Variants in NELL1 observed in about 807,000 individuals in gnomAD.
NELL1 encodes neural EGFL like 1.
Under a neutral mutation model 107.4 loss-of-function variants are expected in NELL1, and 76 were observed. The observed-to-expected ratio is 0.71, with a 90% CI of 0.59 to 0.86. The LOEUF is 0.86. NELL1 is among the 40% of genes least tolerant of loss of function. The pLI is 0.00. For missense variants in NELL1, 1,024 were observed against 1,005.5 expected (o/e 1.02, Z -0.25); for synonymous variants, 353 against 341.2 (o/e 1.03, Z -0.38).
At chr11:20,953,921 A>G (rs1851116886) in intron 11 of NELL1, among the ~76,000 whole-genome samples, 1 of 152,136 alleles carries the variant, frequency 6.6e-6, no homozygotes, top group African/African-American at 2.4e-5. Context: ...GGACATGTTT[A>G]TGGTATTTTT....
chr11:21,494,186 TTTTG>T (rs1489270624), intron 15 of NELL1, among the ~76,000 whole-genome samples: 4 of 151,978 alleles, frequency 2.6e-5, no homozygotes, highest in African/African-American at 9.7e-5. Flanking sequence ...TACAAAAAAT[TTTTG>T]TTTGGAAGAA....
At chr11:20,710,887 C>G (rs1429609702) in intron 2 of NELL1, among the ~76,000 whole-genome samples, 2 of 151,942 alleles carry the variant, frequency 1.3e-5, no homozygotes, top group Non-Finnish European at 2.9e-5. Context: ...TGTTTCATTT[C>G]TAATTGAGCT....
chr11:20,691,462 A>C (rs1158435185), intron 2 of NELL1, among the ~76,000 whole-genome samples: 1 of 152,070 alleles, frequency 6.6e-6, no homozygotes, highest in Non-Finnish European at 1.5e-5. Context: ...CGTCCCATCA[A>C]TACCTAATTT....
At chr11:20,895,274 A>C (rs1849705982) in intron 5 of NELL1, among the ~76,000 whole-genome samples, 1 of 59,950 alleles carries the variant, frequency 1.7e-5, no homozygotes. Context: ...TCCGTCTCAA[A>C]AAAAAAAAAA....
intron 13 of NELL1, among the ~76,000 whole-genome samples, chr11:21,209,057 T>G (rs1437367253): frequency 6.6e-6 from 1 of 152,142 alleles, no homozygotes. Flanking sequence ...AGAACTGTAG[T>G]GGGATCCTAC....
chr11:21,412,783 T>C (rs1407222267), intron 15 of NELL1, among the ~76,000 whole-genome samples: 2 of 152,044 alleles, frequency 1.3e-5, no homozygotes, highest in African/African-American at 4.8e-5. Flanking sequence ...GTATAACTCC[T>C]GGCCTGGGGA....
intron 13 of NELL1, among the ~76,000 whole-genome samples, chr11:21,146,813 T>TGGG (rs5790166): frequency 6.6e-6 from 1 of 151,540 alleles, no homozygotes; most frequent in Non-Finnish European, 1.5e-5. Context: ...CAGGCCAAGG[T>TGGG]GGGGGGGATC....
chr11:21,500,034 G>A (rs1041269951), intron 15 of NELL1, among the ~76,000 whole-genome samples: 21 of 152,038 alleles, frequency 1.4e-4, no homozygotes, highest in Admixed American at 9.2e-4. Context: ...AAAAGGATAC[G>A]TTTAAGCTTT....
chr11:20,758,701 G>A (rs1856352277), intron 2 of NELL1, among the ~76,000 whole-genome samples: 1 of 152,098 alleles, frequency 6.6e-6, no homozygotes, highest in Non-Finnish European at 1.5e-5. Flanking sequence ...TCTTTGTTGT[G>A]GGGAGCTATC....
Position 21,165,287 on chromosome 11 carries a change from C to T in NELL1, c.1426+51573C>T, listed in dbSNP as rs115067319. Among the ~76,000 whole-genome samples, 1,460 of 152,212 alleles carry T rather than the reference C, an allele frequency of 9.6e-3. 21 individuals are homozygous for T. Among genetic ancestry groups the T allele is most frequent in the African/African-American group, 0.033 (1,371 of 41,524 alleles). On this transcript the variant is annotated intron_variant, in intron 13 of 19. Transcript: ENST00000357134. The stretch of plus-strand genomic sequence containing the variant: ...CCATTCCTTGGATTAATAGTAGAAA[C>T]GTCTATACCCTAGTCATCTCAGGTA...
intron 9 of NELL1, 66 bp from the exon 10 acceptor site, chr11:20,937,720 A>T: frequency 9.1e-7 from 1 of 1,099,812 alleles, no homozygotes; most frequent in Non-Finnish European, 1.4e-6. Context: ...TGGAGTTAGA[A>T]GGTACCTCTG....
rs201570187 is a variant in NELL1, at chr11:20,875,587, T to TA, written c.507-9851dup. ...ACCTACTAAGTACTCACAAAAATTTTAAAAAATTAAAAATAAACAATGAAG... is the reference window on the plus strand; with the variant it reads ...ACCTACTAAGTACTCACAAAAATTTTAAAAAAATTAAAAATAAACAATGAAG... On this transcript the variant is annotated intron_variant, in intron 4 of 19. Coordinates refer to ENST00000357134, the MANE Select transcript of NELL1 (RefSeq NM_006157.5). 8.6e-3 allele frequency among the ~76,000 whole-genome samples: 1,315 copies of TA among 152,272 alleles called. 8 individuals carry two copies. Among genetic ancestry groups the TA allele is most frequent in the Middle Eastern group, 0.02 (6 of 294 alleles).
chr11:20,963,673 T>C (rs1851334150), intron 12 of NELL1, among the ~76,000 whole-genome samples: 1 of 152,070 alleles, frequency 6.6e-6, no homozygotes, highest in Admixed American at 6.6e-5. Flanking sequence ...GAACAGAGAC[T>C]CTCTGAGGCT....
intron 15 of NELL1, among the ~76,000 whole-genome samples, chr11:21,461,763 G>A (rs1238426954): frequency 1.3e-5 from 2 of 152,136 alleles, no homozygotes; most frequent in East Asian, 1.9e-4. Context: ...TGTAAAGACA[G>A]GCAGTCTGGC....
At chr11:21,266,290 T>G (rs1332510598) in intron 14 of NELL1, among the ~76,000 whole-genome samples, 4 of 152,076 alleles carry the variant, frequency 2.6e-5, no homozygotes. Context: ...AATGTTCACT[T>G]GTGTGTTGCT....
intron 3 of NELL1, among the ~76,000 whole-genome samples, chr11:20,804,767 A>G (rs1409490334): frequency 1.3e-5 from 2 of 152,158 alleles, no homozygotes; most frequent in East Asian, 3.9e-4. Flanking sequence ...CAGCCTTTGG[A>G]TGAAATGTTC....
At chr11:20,933,693 G>C (rs149668391) in intron 9 of NELL1, among the ~76,000 whole-genome samples, 170 of 152,286 alleles carry the variant, frequency 1.1e-3, no homozygotes, top group African/African-American at 4.0e-3. Context: ...CCTAAATAAA[G>C]ATAGGGAAAC....
At chr11:21,111,537 A>T (rs1855107939) in intron 12 of NELL1, among the ~76,000 whole-genome samples, 1 of 152,090 alleles carries the variant, frequency 6.6e-6, no homozygotes, top group African/African-American at 2.4e-5. Context: ...TGCAACAGGT[A>T]TATGGTGCTT....
At chr11:20,713,490 G>A (rs1211543223) in intron 2 of NELL1, among the ~76,000 whole-genome samples, 1 of 152,290 alleles carries the variant, frequency 6.6e-6, no homozygotes, top group South Asian at 2.1e-4. Flanking sequence ...CACCCACGCA[G>A]TTGGTGAGGC....
Sources: gnomAD v4.1 joint callset for allele counts (sites outside exome capture counted in the v4.1 genomes callset) on GRCh38, gnomAD v4.1.1 for gene constraint, MANE v1.5 for transcripts, NCBI Gene and HGNC (gene_info 2026-07-23, HGNC 2026-07-21) for gene names.